The following DYRK1A variants were observed in gnomAD, a reference collection of about 807,000 sequenced individuals.
The protein encoded by DYRK1A is dual specificity tyrosine-phosphorylation-regulated kinase 1A.
DYRK1A carries 9 observed loss-of-function variants against 79.7 expected under a neutral mutation model. The ratio of observed to expected loss-of-function variants is 0.11; its 90% CI spans 0.07 to 0.20. The LOEUF is 0.20. Ranked by LOEUF, DYRK1A falls within the 10% of genes least tolerant of loss-of-function variation. DYRK1A has a pLI of 1.00. For synonymous variants in DYRK1A, 349 were observed against 329.7 expected (o/e 1.06, Z -0.63); for missense variants, 622 against 956.0 (o/e 0.65, Z 4.61).
rs57947572 is a variant in DYRK1A, at chr21:37,457,037, CTTATTTATTTATTTATTTATTTAT to C, written c.11-15623_11-15600del. Among the ~76,000 whole-genome samples, 5 of 59,250 alleles carry C rather than the reference CTTATTTATTTATTTATTTATTTAT, an allele frequency of 8.4e-5. No homozygotes were observed. In the South Asian group the frequency reaches 2.1e-3, roughly 25 times the overall value. The allele number at this position is 59,250 out of a possible 152,430, so 38.9% of individuals were successfully genotyped here. The stretch of plus-strand genomic sequence containing the variant: ...ATTTACTTACTTACTTACTTACTTA[CTTATTTATTTATTTATTTATTTAT>C]TTATTTATTTATTTATTTATTTAGT... On this transcript the variant is annotated intron_variant, in intron 2 of 11. Transcript: ENST00000647188.
intron 9 of DYRK1A, chr21:37,504,184 T>A (rs2053530183): frequency 6.6e-6 from 1 of 152,218 alleles, no homozygotes; most frequent in South Asian, 2.1e-4. Context: ...CCTTCAGCAG[T>A]GTTTGTGTCT....
intron 4 of DYRK1A, among the ~76,000 whole-genome samples, chr21:37,479,598 TTGTTTTTGTTTTTGTTTTTTG>T (rs1569362028): frequency 1.4e-4 from 10 of 71,420 alleles, no homozygotes; most frequent in African/African-American, 7.2e-4. Context: ...TGTTTTGTTT[TTGTTTTTGTTTTTGTTTTTTG>T]TTTTTTTTTT....
rs1339569862 is a variant in DYRK1A, at chr21:37,444,257, G to GT, written c.10+23874dup. 2.0e-5 allele frequency among the ~76,000 whole-genome samples: 3 copies of GT among 152,298 alleles called. No homozygotes were observed. In the East Asian group the frequency reaches 5.8e-4, roughly 29 times the overall value. On this transcript the variant is annotated intron_variant, in intron 2 of 11. Transcript: ENST00000647188. ...CTTTCACTGTCTCCCAGTACCACCT[G>GT]TAGTACTTTATAACTAGTGATTACC...
chr21:37,371,647 G>A (rs1260102982), intron 1 of DYRK1A, among the ~76,000 whole-genome samples: 4 of 152,182 alleles, frequency 2.6e-5, no homozygotes, highest in South Asian at 4.1e-4. Flanking sequence ...GTTTTGACAA[G>A]TTACATAATT....
At chr21:37,504,898 G>C (rs1222596847) in intron 9 of DYRK1A, 2 of 175,454 alleles carry the variant, frequency 1.1e-5, no homozygotes, top group East Asian at 3.3e-4. Context: ...CATGTTCTCT[G>C]TAAAAGATGA....
intron 1 of DYRK1A, among the ~76,000 whole-genome samples, chr21:37,377,508 A>G (rs1159231435): frequency 1.3e-5 from 2 of 151,922 alleles, no homozygotes; most frequent in Non-Finnish European, 2.9e-5. Context: ...TCTCGCTGTC[A>G]CTGAGGCTGA....
At chr21:37,421,756 T>G (rs1480730963) in intron 2 of DYRK1A, 3 of 152,168 alleles carry the variant, frequency 2.0e-5, no homozygotes, top group Non-Finnish European at 2.9e-5. Context: ...ATTTTATAAG[T>G]TTGACCTTTT....
chr21:37,457,150 A>C (rs1341568599), intron 2 of DYRK1A, among the ~76,000 whole-genome samples: 1 of 151,908 alleles, frequency 6.6e-6, no homozygotes, highest in Non-Finnish European at 1.5e-5. Flanking sequence ...GCTCACTGCA[A>C]ACTGACTCCT....
intron 2 of DYRK1A, among the ~76,000 whole-genome samples, chr21:37,449,011 AATTTG>A (rs1224668398): frequency 6.6e-6 from 1 of 152,148 alleles, no homozygotes; most frequent in Non-Finnish European, 1.5e-5. Context: ...GGAATTACGT[AATTTG>A]ATTTGAAGAG....
chr21:37,382,198 G>A (rs1041544788), intron 1 of DYRK1A, among the ~76,000 whole-genome samples: 2 of 150,808 alleles, frequency 1.3e-5, no homozygotes, highest in African/African-American at 4.9e-5. Flanking sequence ...CCCTCATGAA[G>A]CTTGCTTTCT....
At chr21:37,388,231 T>TA (rs142681966) in intron 1 of DYRK1A, among the ~76,000 whole-genome samples, 30,912 of 150,580 alleles carry the variant, frequency 0.21, 3,388 homozygotes, top group East Asian at 0.37. Flanking sequence ...TATAGGCACA[T>TA]ACCACCTTGC....
chr21:37,446,629 C>T (rs2051281980), intron 2 of DYRK1A, among the ~76,000 whole-genome samples: 1 of 150,268 alleles, frequency 6.7e-6, no homozygotes, highest in South Asian at 2.1e-4. Flanking sequence ...TACAAGTGTG[C>T]TCACACGTGT....
chr21:37,388,100 ATTT>A (rs34571307), intron 1 of DYRK1A, among the ~76,000 whole-genome samples: 10,427 of 116,530 alleles, frequency 0.089, 547 homozygotes, highest in Non-Finnish European at 0.13. Context: ...CTTCCCTTTG[ATTT>A]TTTTTTTTTT....
At position 37,515,276 on chromosome 21, in the gene DYRK1A, T is replaced by C. The variant is rs2053866111; in HGVS notation, c.*2745T>C. 6.6e-6 allele frequency: 1 copy of C among 152,664 alleles called. No homozygotes were observed. Among genetic ancestry groups the C allele is most frequent in the Non-Finnish European group, 1.5e-5 (1 of 68,048 alleles). 9.5% of individuals were successfully genotyped at this position (152,664 alleles called of 1,614,324 possible). A position where few individuals can be genotyped will look rare whatever the true frequency, so the allele number is the denominator to read the frequency against. On this transcript the variant is annotated 3_prime_UTR_variant, in exon 12 of 12. Transcript: ENST00000647188. Reference sequence around the variant, plus strand: ...TAAACTGGTCCAGGTCTGGTAGGTATAGTATCAAAGTTGAGTTAAATGTGT... The same window carrying C: ...TAAACTGGTCCAGGTCTGGTAGGTACAGTATCAAAGTTGAGTTAAATGTGT...
chr21:37,414,586 T>C (rs997751655), intron 1 of DYRK1A, among the ~76,000 whole-genome samples: 5 of 152,194 alleles, frequency 3.3e-5, no homozygotes, highest in African/African-American at 9.7e-5. Context: ...GCCCGCCTTA[T>C]AAAAGTTGGC....
intron 1 of DYRK1A, among the ~76,000 whole-genome samples, chr21:37,379,044 G>A (rs1391702990): frequency 2.6e-5 from 4 of 152,150 alleles, no homozygotes; most frequent in African/African-American, 4.8e-5. Flanking sequence ...CATATCCCTG[G>A]AGCATCAGAT....
intron 2 of DYRK1A, among the ~76,000 whole-genome samples, chr21:37,452,794 G>A (rs2051502712): frequency 9.6e-6 from 1 of 104,186 alleles, no homozygotes. Context: ...GGATTCTTCT[G>A]TGCCCAGCAA....
intron 1 of DYRK1A, among the ~76,000 whole-genome samples, chr21:37,396,258 A>G (rs1220919530): frequency 1.3e-5 from 2 of 152,132 alleles, no homozygotes; most frequent in Non-Finnish European, 2.9e-5. Flanking sequence ...TGGGAGAAGT[A>G]GAATAGGGTT....
chr21:37,518,343 A>G lies in DYRK1A; in HGVS notation c.*5812A>G, dbSNP rs1227101748. The G allele has an allele frequency of 6.6e-6, 1 of 152,280 alleles. No individual in the cohort carries two copies. The highest frequency in any genetic ancestry group is 2.4e-5 in the African/African-American group (1 of 41,454). The allele number at this position is 152,280 out of a possible 1,614,324, so 9.4% of individuals were successfully genotyped here. ...TCCATTGCCCGCAAATCCAGGAAAG[A>G]AATGACTAATGAACTCTAGTGATCG... is the stretch of plus-strand genomic sequence containing the variant. On this transcript the variant is annotated 3_prime_UTR_variant, in exon 12 of 12. Coordinates refer to ENST00000647188, the MANE Select transcript of DYRK1A (RefSeq NM_001347721.2).
Sources: gnomAD v4.1 joint callset for allele counts (sites outside exome capture counted in the v4.1 genomes callset) on GRCh38, gnomAD v4.1.1 for gene constraint, MANE v1.5 for transcripts, NCBI Gene and HGNC (gene_info 2026-07-23, HGNC 2026-07-21) for gene names.